Variants in PLXNA1 observed in about 807,000 individuals in gnomAD.
PLXNA1 encodes the protein plexin-A1.
A neutral mutation model predicts 191.7 loss-of-function variants in PLXNA1; 77 were observed. The ratio of observed to expected loss-of-function variants is 0.40; its 90% CI spans 0.33 to 0.49. The LOEUF (loss-of-function observed/expected upper bound fraction) is 0.49, where lower values mean the gene tolerates loss of function less well. Ranked by LOEUF, PLXNA1 falls within the 20% of genes least tolerant of loss-of-function variation. PLXNA1 has a pLI of 0.63. For missense variants in PLXNA1, 2,110 were observed against 2,660.2 expected, an observed-to-expected ratio of 0.79 and a Z score of 4.55; for synonymous variants, 1,137 against 1,156.4, an observed-to-expected ratio of 0.98 and a Z score of 0.34.
At chr3:126,986,941 G>C (rs1281757030) in intron 1 of PLXNA1, among the ~76,000 whole-genome samples, 1 of 152,216 alleles carries the variant, frequency 6.6e-6, no homozygotes, top group Non-Finnish European at 1.5e-5. Context: ...AGGGGTGTCT[G>C]GGATGGTCTG....
chr3:127,012,184 G>A, intron 10 of PLXNA1, 26 bp downstream of exon 10: 1 of 1,602,432 alleles, frequency 6.2e-7, no homozygotes, highest in African/African-American at 1.3e-5. Flanking sequence ...CAGGGGCTGG[G>A]GGCCGTGAGC....
intron 15 of PLXNA1, 145 bp downstream of exon 15, chr3:127,015,465 A>G: frequency 1.7e-6 from 2 of 1,148,856 alleles, no homozygotes; most frequent in African/African-American, 1.6e-5. Context: ...GGAGGTTACC[A>G]TGGAAACAGG....
chr3:127,034,226 A>G lies in PLXNA1; in HGVS notation c.*209A>G. On this transcript the variant is annotated 3_prime_UTR_variant, in exon 32 of 32. Coordinates refer to ENST00000393409, the MANE Select transcript of PLXNA1 (RefSeq NM_032242.4). ...GGTACCTGCCACACCACAGCTGCGC[A>G]CACAGCTGCTTGCTCAGGGGCCGGG... 1.9e-6 allele frequency: 1 copy of G among 524,054 alleles called. No homozygotes were observed. Among genetic ancestry groups the G allele is most frequent in the Admixed American group, 3.1e-5 (1 of 31,964 alleles). The allele number at this position is 524,054 out of a possible 1,614,324, so 32.5% of individuals were successfully genotyped here.
At chr3:126,991,626 C>A in intron 3 of PLXNA1, 60 bp downstream of exon 3, 1 of 1,479,800 alleles carries the variant, frequency 6.8e-7, no homozygotes, top group Non-Finnish European at 9.0e-7. Flanking sequence ...AGGCTTGCGG[C>A]CGTCCCAGGT....
intron 23 of PLXNA1, among the ~76,000 whole-genome samples, chr3:127,023,649 G>A (rs2107635884): frequency 6.6e-6 from 1 of 152,358 alleles, no homozygotes; most frequent in African/African-American, 2.4e-5. Context: ...CTGTCTCTGG[G>A]CCGTGGGGCT....
In PLXNA1 at chr3:127,016,698, A is replaced by G; in HGVS notation, c.3182+14A>G. 1 of 1,613,634 alleles carries G rather than the reference A, an allele frequency of 6.2e-7. No individual in the cohort carries two copies. Among genetic ancestry groups the G allele is most frequent in the Non-Finnish European group, 8.5e-7 (1 of 1,179,784 alleles). On this transcript the variant is annotated intron_variant, in intron 16 of 31. Coordinates refer to ENST00000393409, the MANE Select transcript of PLXNA1 (RefSeq NM_032242.4). Reference sequence around the variant, plus strand: ...GAGCATCAACAGGTGGGGCCCAGCAACACCCATTCCCTATCCCCAGCTATT... The same window carrying G: ...GAGCATCAACAGGTGGGGCCCAGCAGCACCCATTCCCTATCCCCAGCTATT...
At chr3:126,990,981 C>A (rs527719741) in intron 2 of PLXNA1, among the ~76,000 whole-genome samples, 1 of 152,128 alleles carries the variant, frequency 6.6e-6, no homozygotes, top group African/African-American at 2.4e-5. Flanking sequence ...AGCCCTGGCC[C>A]AGCCTCCCCT....
Position 127,030,049 on chromosome 3 carries a change from G to A in PLXNA1, c.5046G>A (p.Arg1682=). The A allele has an allele frequency of 6.2e-7, 1 of 1,611,406 alleles. No individual in the cohort carries two copies. Among genetic ancestry groups the A allele is most frequent in the African/African-American group, 1.3e-5 (1 of 75,036 alleles). ...SKMVSEIYLT[R]LLATKGTLQK... ...TGGTCTCGGAGATCTACTTGACACG[G>A]CTACTGGCCACCAAGGTGGGCCTGG... The change falls in exon 28 of 32, where the codon CGG becomes CGA. Residue 1682 remains arginine, a synonymous_variant. Transcript: ENST00000393409.
chr3:127,011,898 G>T, intron 9 of PLXNA1, 60 bp from the exon 10 acceptor site: 1 of 1,463,270 alleles, frequency 6.8e-7, no homozygotes, highest in South Asian at 1.2e-5. Context: ...GAGCGTAGTG[G>T]GGTGCACCTT....
rs1482083171 is a variant in PLXNA1, at chr3:127,011,996, G to A, written c.2151G>A (p.Val717=). ...TCCTGCCCTCCACGCAGATCTACGT[G>A]CCAGTGGGAGTGGTAAAACCCATCA... ...PQILPSTQIY[V]PVGVVKPITL... Residue 717 remains valine (V), a synonymous_variant, in exon 10 of 32, where the codon GTG becomes GTA. Transcript: ENST00000393409. The A allele has an allele frequency of 2.5e-6, 4 of 1,613,746 alleles. 1 individual carries two copies. Among genetic ancestry groups the A allele is most frequent in the Middle Eastern group, 1.6e-4 (1 of 6,062 alleles).
At chr3:127,003,005 T>A (rs1282689056) in intron 3 of PLXNA1, among the ~76,000 whole-genome samples, 2 of 152,192 alleles carry the variant, frequency 1.3e-5, no homozygotes, top group Non-Finnish European at 2.9e-5. Flanking sequence ...GCCTTCACCC[T>A]GGGTGTGGCC....
At chr3:126,995,751 C>G (rs1479880891) in intron 3 of PLXNA1, among the ~76,000 whole-genome samples, 1 of 152,238 alleles carries the variant, frequency 6.6e-6, no homozygotes, top group Non-Finnish European at 1.5e-5. Flanking sequence ...GCACTGTGGC[C>G]TTGAGTAGCT....
chr3:126,991,627 C>T (rs45560034), intron 3 of PLXNA1, 61 bp downstream of exon 3: 51,637 of 1,473,310 alleles, frequency 0.035, 1,059 homozygotes, highest in Non-Finnish European at 0.041. Context: ...GGCTTGCGGC[C>T]GTCCCAGGTG....
intron 2 of PLXNA1, among the ~76,000 whole-genome samples, chr3:126,990,782 C>G (rs551482817): frequency 8.4e-4 from 128 of 152,340 alleles, no homozygotes; most frequent in Non-Finnish European, 1.6e-3. Flanking sequence ...TCCACCCTCC[C>G]CTTGGCTTTT....
At position 127,018,526 on chromosome 3, in the gene PLXNA1, A is replaced by G; in HGVS notation, c.3893A>G (p.Glu1298Gly). The part of the protein sequence containing the change: ...LESRVALECK[E>G]AFAELQTDIH... ...TCCCGCGTGGCCCTCGAATGCAAGG[A>G]AGGTCTGTTGGGGCCAGGGCTCACT... Residue 1298 changes from glutamate to glycine, a missense_variant and splice_region_variant, in exon 20 of 32, where the codon GAA becomes GGA. By Grantham distance (98) the Glu-to-Gly change is moderately conservative (BLOSUM62 -2). Around this residue, in one of 4 missense-constraint regions of PLXNA1, gnomAD observed 559 missense variants for 911.5 expected, o/e 0.61. Coordinates refer to ENST00000393409, the MANE Select transcript of PLXNA1 (RefSeq NM_032242.4). 6.2e-7 allele frequency: 1 copy of G among 1,606,768 alleles called. No homozygotes were observed. Among genetic ancestry groups the G allele is most frequent in the Non-Finnish European group, 8.5e-7 (1 of 1,175,282 alleles).
intron 26 of PLXNA1, 39 bp from the exon 27 acceptor site, chr3:127,029,401 C>G: frequency 6.3e-7 from 1 of 1,597,440 alleles, no homozygotes; most frequent in Non-Finnish European, 8.6e-7. Context: ...TGCAGGGGCA[C>G]CCTGGTGGGT....
rs1338280328 is a variant in PLXNA1, at chr3:126,988,583, C to T, written c.-11C>T. ...GGACCAGAGCACCGAGGCCCAAGGCCCCAGCCTGCCATGCCGCTGCCACCG... is the reference window on the plus strand; with the variant it reads ...GGACCAGAGCACCGAGGCCCAAGGCTCCAGCCTGCCATGCCGCTGCCACCG... On this transcript the variant is annotated 5_prime_UTR_variant, in exon 2 of 32. Coordinates refer to ENST00000393409, the MANE Select transcript of PLXNA1 (RefSeq NM_032242.4). 1 of 1,481,988 alleles carries T rather than the reference C, an allele frequency of 6.7e-7. No homozygotes were observed. The highest frequency in any genetic ancestry group is 1.4e-5 in the South Asian group (1 of 72,540). 91.8% of individuals were successfully genotyped at this position (1,481,988 alleles called of 1,614,324 possible).
At chr3:126,987,643 C>T (rs1211640415) in intron 1 of PLXNA1, among the ~76,000 whole-genome samples, 1 of 152,154 alleles carries the variant, frequency 6.6e-6, no homozygotes, top group Non-Finnish European at 1.5e-5. Context: ...GAGCACCTGC[C>T]AGCCTTCCCT....
intron 9 of PLXNA1, among the ~76,000 whole-genome samples, chr3:127,010,701 G>A (rs76761641): frequency 0.026 from 4,014 of 152,280 alleles, 83 homozygotes; most frequent in Middle Eastern, 0.041. Flanking sequence ...CCTGGGTTCT[G>A]GGGGTGGGCC....
Sources: allele counts gnomAD v4.1 joint callset (sites outside exome capture counted in the v4.1 genomes callset), GRCh38; gene constraint gnomAD v4.1.1; regional missense constraint gnomAD v4.1.1; transcripts MANE v1.5; gene names NCBI Gene and HGNC (gene_info 2026-07-23, HGNC 2026-07-21).